ANO7: variants seen among roughly 807,000 people sequenced by gnomAD.
ANO7 encodes anoctamin 7.
In ANO7, 114 loss-of-function variants were observed where a neutral mutation model predicts 115.8. The ratio of observed to expected loss-of-function variants is 0.98; its 90% CI spans 0.85 to 1.15. The LOEUF is 1.15. ANO7 is among the 50% of genes most tolerant of loss of function. The pLI is 0.00. For synonymous variants in ANO7, 550 were observed against 498.2 expected, an observed-to-expected ratio of 1.10 and a Z score of -1.38; for missense variants, 1,302 against 1,201.2, an observed-to-expected ratio of 1.08 and a Z score of -1.24.
Position 241,224,087 on chromosome 2 carries a change from C to T in ANO7, c.2584-10C>T. 1 of 1,614,102 alleles carries T rather than the reference C, an allele frequency of 6.2e-7. No individual in the cohort carries two copies. The highest frequency in any genetic ancestry group is 8.5e-7 in the Non-Finnish European group (1 of 1,180,000). On this transcript the variant is annotated splice_polypyrimidine_tract_variant and intron_variant, in intron 24 of 24. Coordinates refer to ENST00000674324, the MANE Select transcript of ANO7 (RefSeq NM_001370694.2). ...GTCTGACTTGTCCCTGCCCCCAACC[C>T]TCTCCCCAGCTCAGCTCCCACTGGA...
At position 241,224,224 on chromosome 2, in the gene ANO7, C is replaced by T. The variant is rs2069102169; in HGVS notation, c.*71C>T. 1 of 1,551,650 alleles carries T rather than the reference C, an allele frequency of 6.4e-7. No homozygotes were observed. Among genetic ancestry groups the T allele is most frequent in the Non-Finnish European group, 8.9e-7 (1 of 1,129,590 alleles). ...GAGCCCTGCGAGCAGCGTCCTTTTCCTCTTCCCTCAGGCAGCGGCTGTGTG... is the reference window on the plus strand; with the variant it reads ...GAGCCCTGCGAGCAGCGTCCTTTTCTTCTTCCCTCAGGCAGCGGCTGTGTG... On this transcript the variant is annotated 3_prime_UTR_variant, in exon 25 of 25. Coordinates refer to ENST00000674324, the MANE Select transcript of ANO7 (RefSeq NM_001370694.2).
At chr2:241,230,662 A>C, downstream of ANO7, 1 of 1,062,456 alleles carries the variant, frequency 9.4e-7, no homozygotes, top group South Asian at 1.5e-5. The surrounding 1 kb of genome is among the most constrained non-coding windows in gnomAD (Gnocchi z 5.0). Flanking sequence ...TGGCCTCATC[A>C]TCTTGAGGGG....
intron 18 of ANO7, 146 bp downstream of exon 18, chr2:241,215,048 C>T (rs1019536489): frequency 3.6e-5 from 27 of 755,994 alleles, no homozygotes; most frequent in Admixed American, 1.1e-4. Context: ...GGAGTGTGCC[C>T]GGCCGTCTGC....
intron 4 of ANO7, 32 bp downstream of exon 4, chr2:241,195,877 G>C: frequency 1.4e-5 from 22 of 1,614,164 alleles, no homozygotes; most frequent in Non-Finnish European, 1.9e-5. Context: ...CAGGGCCCTA[G>C]GCCCTGCATC....
rs530148310 is a variant in ANO7, at chr2:241,210,871, T to G, written c.1561+301T>G. Among the ~76,000 whole-genome samples, 17 of 149,290 alleles carry G rather than the reference T, an allele frequency of 1.1e-4. No homozygotes were observed. The South Asian group carries it at 1.3e-3, about 11-fold the overall frequency. On this transcript the variant is annotated intron_variant, in intron 15 of 24. Coordinates refer to ENST00000674324, the MANE Select transcript of ANO7 (RefSeq NM_001370694.2). Reference sequence around the variant, plus strand: ...TTTGATAGAGACAGGGGTCTCACTGTGTGGCTCAGGCTGGTCTCGAGCTCC... The same window carrying G: ...TTTGATAGAGACAGGGGTCTCACTGGGTGGCTCAGGCTGGTCTCGAGCTCC...
chr2:241,195,985 C>T, intron 4 of ANO7, 140 bp downstream of exon 4: 1 of 1,548,238 alleles, frequency 6.5e-7, no homozygotes, highest in African/African-American at 1.4e-5. Flanking sequence ...GACCCCCCAG[C>T]CACCGTGAGC....
intron 5 of ANO7, 90 bp downstream of exon 5, chr2:241,199,513 G>C: frequency 2.3e-6 from 3 of 1,333,206 alleles, no homozygotes; most frequent in Non-Finnish European, 1.1e-6. Context: ...CCTCAGGAGG[G>C]CTCCCTGCTC....
At position 241,212,159 on chromosome 2, in the gene ANO7, G is replaced by T; in HGVS notation, c.1627G>T (p.Val543Phe). The change falls in exon 16 of 25, where the codon GTC (valine) becomes TTC (phenylalanine). Residue 543 changes from valine to phenylalanine, a missense_variant. By Grantham distance (50) the Val-to-Phe change is conservative. Transcript: ENST00000674324. Reference sequence around the variant, plus strand: ...CCTCAAGGTGTTCATCTTCCAGTTCGTCAACTTCTACTCCTCACCCGTCTA... The same window carrying T: ...CCTCAAGGTGTTCATCTTCCAGTTCTTCAACTTCTACTCCTCACCCGTCTA... Reference protein sequence around the residue: ...FTLKVFIFQFVNFYSSPVYIA... With the variant: ...FTLKVFIFQFFNFYSSPVYIA... The T allele has an allele frequency of 1.2e-6, 2 of 1,614,122 alleles. No homozygotes were observed. Among genetic ancestry groups the T allele is most frequent in the Non-Finnish European group, 1.7e-6 (2 of 1,180,004 alleles).
chr2:241,238,591 C>A, the ANO7 span: 5 of 1,350,070 alleles, frequency 3.7e-6, no homozygotes, highest in Non-Finnish European at 5.0e-6. This position sits in a 1 kb window ranked among gnomAD's most constrained non-coding sequence, Gnocchi z 4.9. Flanking sequence ...GACAGCCCCG[C>A]CTCTCACATG....
the ANO7 span, among the ~76,000 whole-genome samples, chr2:241,234,925 G>A: frequency 1.3e-5 from 2 of 152,244 alleles, no homozygotes; most frequent in Non-Finnish European, 2.9e-5. Flanking sequence ...TTATGAAAAA[G>A]AGAAAGGTGC....
At position 241,191,310 on chromosome 2, in the gene ANO7, C is replaced by T. The variant is rs1166445180; in HGVS notation, c.166+59C>T. 5.0e-6 allele frequency: 8 copies of T among 1,595,490 alleles called. No individual in the cohort carries two copies. The Admixed American group carries it at 5.1e-5, about 10-fold the overall frequency. On this transcript the variant is annotated intron_variant, in intron 3 of 24. Transcript: ENST00000674324. ...GTTGGTCCTGAGGGTGGGGACACCA[C>T]GGGGGTGCCCCCAGGGGCAGCAGGC... is the stretch of plus-strand genomic sequence containing the variant.
At chr2:241,226,049 T>G (rs1469807864), downstream of ANO7, among the ~76,000 whole-genome samples, 1 of 152,150 alleles carries the variant, frequency 6.6e-6, no homozygotes, top group East Asian at 1.9e-4. Context: ...CAAACTGTTG[T>G]AACCAGCACG....
chr2:241,233,696 G>C, the ANO7 span: 1 of 1,035,284 alleles, frequency 9.7e-7, no homozygotes, highest in African/African-American at 1.6e-5. This position sits in a 1 kb window ranked among gnomAD's most constrained non-coding sequence, Gnocchi z 4.3. Context: ...TAGGTCCTGA[G>C]AGACTTGCCA....
At chr2:241,212,022 C>T in intron 15 of ANO7, 72 bp from the exon 16 acceptor site, 3 of 1,173,190 alleles carry the variant, frequency 2.6e-6, no homozygotes, top group Non-Finnish European at 3.8e-6. Context: ...CAAGGTGGTC[C>T]TAGGAGAGGG....
chr2:241,210,890 G>A (rs961082247), intron 15 of ANO7, among the ~76,000 whole-genome samples: 21 of 151,216 alleles, frequency 1.4e-4, no homozygotes, highest in Non-Finnish European at 2.8e-4. Context: ...GGCTGGTCTC[G>A]AGCTCCTGGC....
intron 15 of ANO7, among the ~76,000 whole-genome samples, chr2:241,211,361 A>T (rs1375655483): frequency 2.6e-5 from 4 of 152,186 alleles, no homozygotes; most frequent in Non-Finnish European, 1.5e-5. Flanking sequence ...CCTGAGGACA[A>T]ACACTTACGA....
At chr2:241,193,961 C>T (rs1479087590) in intron 3 of ANO7, among the ~76,000 whole-genome samples, 1 of 152,250 alleles carries the variant, frequency 6.6e-6, no homozygotes, top group African/African-American at 2.4e-5. Flanking sequence ...ACTGCAACCT[C>T]CACCTCCCAG....
At chr2:241,190,890 C>G (rs1438428128) in intron 2 of ANO7, among the ~76,000 whole-genome samples, 1 of 152,240 alleles carries the variant, frequency 6.6e-6, no homozygotes, top group Non-Finnish European at 1.5e-5. Flanking sequence ...TCCCGCCAAC[C>G]TGACCCTTGC....
intron 3 of ANO7, among the ~76,000 whole-genome samples, chr2:241,194,948 G>A (rs990688583): frequency 6.6e-6 from 1 of 152,200 alleles, no homozygotes; most frequent in African/African-American, 2.4e-5. Context: ...TGACCAGCGT[G>A]TTCCAGCTGG....
Sources: gnomAD v4.1 joint callset for allele counts (sites outside exome capture counted in the v4.1 genomes callset) on GRCh38, gnomAD v4.1.1 for gene constraint, Gnocchi (gnomAD v3.1) non-coding constraint, MANE v1.5 for transcripts, NCBI Gene and HGNC (gene_info 2026-07-23, HGNC 2026-07-21) for gene names.